Variants in EDDM3A observed in about 807,000 individuals in gnomAD.
EDDM3A encodes the protein epididymal protein 3A, also known as epididymal secretory protein E3-alpha.
For missense variants in EDDM3A, 199 were observed against 177.4 expected, an observed-to-expected ratio of 1.12 and a Z score of -0.69; for synonymous variants, 75 against 60.4, an observed-to-expected ratio of 1.24 and a Z score of -1.12.
At chr14:20,744,529 A>T (rs1438733434), upstream of EDDM3A, among the ~76,000 whole-genome samples, 2 of 152,164 alleles carry the variant, frequency 1.3e-5, no homozygotes, top group Non-Finnish European at 2.9e-5. Flanking sequence ...ATTTGTGGGG[A>T]GTTGGCATGG....
chr14:20,747,333 G>C (rs1446148580), intron 1 of EDDM3A, among the ~76,000 whole-genome samples: 1 of 152,094 alleles, frequency 6.6e-6, no homozygotes, highest in African/African-American at 2.4e-5. Context: ...CTGACCTCAG[G>C]TGATACACCC....
At position 20,748,083 on chromosome 14, in the gene EDDM3A, C is replaced by A; in HGVS notation, c.*59C>A. On this transcript the variant is annotated 3_prime_UTR_variant, in exon 2 of 2. Coordinates refer to ENST00000326842, the MANE Select transcript of EDDM3A (RefSeq NM_006683.5). ...TATTCAGTGCTTCCAAAGTGGTGGG[C>A]CCTGCCTCCATCAATAGCCCCTGCC... 7.4e-7 allele frequency: 1 copy of A among 1,356,878 alleles called. No homozygotes were observed. The highest frequency in any genetic ancestry group is 1.0e-6 in the Non-Finnish European group (1 of 994,708). The allele number at this position is 1,356,878 out of a possible 1,614,324, so 84.1% of individuals were successfully genotyped here.
rs1001231785 is a variant in EDDM3A, at chr14:20,747,912, A to G, written c.332A>G (p.Asn111Ser). The change falls in exon 2 of 2, where the codon AAC (asparagine) becomes AGC (serine). Residue 111 changes from asparagine (N) to serine (S), a missense_variant. By Grantham distance (46) the Asn-to-Ser change is conservative (BLOSUM62 1). Coordinates refer to ENST00000326842, the MANE Select transcript of EDDM3A (RefSeq NM_006683.5). ...CTCGAGTGTCACTGGGAGAAGTACA[A>G]CAATAGGTACACAGAGAGCAGAAGC... is the stretch of plus-strand genomic sequence containing the variant. ...KVLECHWEKY[N>S]NRYTESRSFS... 6.2e-7 allele frequency: 1 copy of G among 1,614,220 alleles called. No homozygotes were observed. Among genetic ancestry groups the G allele is most frequent in the Non-Finnish European group, 8.5e-7 (1 of 1,180,040 alleles).
intron 1 of EDDM3A, among the ~76,000 whole-genome samples, chr14:20,746,648 G>A (rs910191701): frequency 2.6e-5 from 4 of 152,184 alleles, no homozygotes; most frequent in African/African-American, 9.6e-5. Context: ...AGTAATTAGG[G>A]AAATGGCCTC....
upstream of EDDM3A, among the ~76,000 whole-genome samples, chr14:20,743,467 T>C (rs1449970952): frequency 1.3e-5 from 2 of 152,128 alleles, no homozygotes; most frequent in African/African-American, 4.8e-5. Flanking sequence ...AGAGAATCAC[T>C]TGAACCCAGG....
intron 1 of EDDM3A, among the ~76,000 whole-genome samples, chr14:20,746,210 C>A (rs1368629871): frequency 6.6e-6 from 1 of 152,184 alleles, no homozygotes; most frequent in Non-Finnish European, 1.5e-5. Flanking sequence ...AAGCTGCTTG[C>A]ATCCTACTCT....
upstream of EDDM3A, among the ~76,000 whole-genome samples, chr14:20,744,140 C>A (rs1031574971): frequency 1.3e-5 from 2 of 152,128 alleles, no homozygotes; most frequent in East Asian, 1.9e-4. Context: ...CCCTCAGAAT[C>A]GCCTCTCAAA....
At chr14:20,742,160 A>G (rs1416806079), upstream of EDDM3A, among the ~76,000 whole-genome samples, 1 of 152,154 alleles carries the variant, frequency 6.6e-6, no homozygotes, top group Non-Finnish European at 1.5e-5. Context: ...CTGGCTCAGA[A>G]TTTCTCTCTC....
upstream of EDDM3A, among the ~76,000 whole-genome samples, chr14:20,745,613 A>G (rs1303565726): frequency 6.6e-6 from 1 of 152,036 alleles, no homozygotes; most frequent in Non-Finnish European, 1.5e-5. Context: ...GTTTGTTAGA[A>G]TTGAGAGCAG....
chr14:20,748,011 C>T lies in EDDM3A; in HGVS notation c.431C>T (p.Pro144Leu). The T allele has an allele frequency of 6.3e-7, 1 of 1,596,852 alleles. No individual in the cohort carries two copies. The highest frequency in any genetic ancestry group is 8.5e-7 in the Non-Finnish European group (1 of 1,171,780). The change falls in exon 2 of 2, where the codon CCT becomes CTT. Residue 144 changes from proline (P) to leucine (L), a missense_variant. Coordinates refer to ENST00000326842, the MANE Select transcript of EDDM3A (RefSeq NM_006683.5). ...DNIEDLRIIE[P>L]ISN Reference sequence around the variant, plus strand: ...ATAGAAGACCTGAGGATTATAGAACCTATCAGCAACTAGAAAGTCTATGCA... The same window carrying T: ...ATAGAAGACCTGAGGATTATAGAACTTATCAGCAACTAGAAAGTCTATGCA...
Position 20,747,625 on chromosome 14 carries a change from T to G in EDDM3A, c.45T>G (p.Leu15=), listed in dbSNP as rs745615813. ...LKIWGILLAL[L]CILCRLCVYS... ...TTTGGGGCATACTCTTGGCCCTGCT[T>G]TGCATCCTTTGCAGGCTGTGTGTAT... is the stretch of plus-strand genomic sequence containing the variant. Residue 15 remains leucine, a synonymous_variant, in exon 2 of 2, where the codon CTT becomes CTG. Coordinates refer to ENST00000326842, the MANE Select transcript of EDDM3A (RefSeq NM_006683.5). The G allele has an allele frequency of 1.2e-6, 2 of 1,613,448 alleles. No individual in the cohort carries two copies. Among genetic ancestry groups the G allele is most frequent in the East Asian group, 4.5e-5 (2 of 44,878 alleles).
the EDDM3A span, among the ~76,000 whole-genome samples, chr14:20,740,024 C>A: frequency 6.6e-6 from 1 of 152,164 alleles, no homozygotes; most frequent in African/African-American, 2.4e-5. Context: ...CCTTTGGCAT[C>A]TCCCTGTCCC....
the EDDM3A span, among the ~76,000 whole-genome samples, chr14:20,738,551 A>C: frequency 2.1e-4 from 32 of 152,268 alleles, no homozygotes; most frequent in Admixed American, 1.4e-3. Context: ...ATGGGGAAAA[A>C]TACTAATTAT....
upstream of EDDM3A, among the ~76,000 whole-genome samples, chr14:20,742,646 G>A (rs1404987593): frequency 2.0e-5 from 3 of 152,118 alleles, no homozygotes; most frequent in Admixed American, 6.6e-5. Context: ...ACCCAGGCTG[G>A]TGCTATCATA....
At chr14:20,747,476 G>C in intron 1 of EDDM3A, 79 bp from the exon 2 acceptor site, 1 of 840,908 alleles carries the variant, frequency 1.2e-6, no homozygotes, top group Admixed American at 2.5e-5. Context: ...GTACCTGCTT[G>C]GCAGGGAAAG....
chr14:20,745,513 G>A (rs1207248748), upstream of EDDM3A, among the ~76,000 whole-genome samples: 6 of 140,998 alleles, frequency 4.3e-5, no homozygotes, highest in South Asian at 2.3e-4. Flanking sequence ...GCAACAGAGC[G>A]AGACTCCATC....
upstream of EDDM3A, chr14:20,745,766 T>A (rs1877565118): frequency 6.6e-6 from 1 of 152,216 alleles, no homozygotes; most frequent in African/African-American, 2.4e-5. Context: ...TGAGCCCAAG[T>A]GTTCCAGATG....
At chr14:20,746,109 C>G (rs191971680) in intron 1 of EDDM3A, 117 bp downstream of exon 1, 5 of 152,370 alleles carry the variant, frequency 3.3e-5, no homozygotes, top group South Asian at 2.1e-4. Flanking sequence ...AAACAAAGGT[C>G]TGAATTCTGG....
upstream of EDDM3A, among the ~76,000 whole-genome samples, chr14:20,743,971 A>G (rs912199397): frequency 2.0e-5 from 3 of 152,124 alleles, no homozygotes; most frequent in Non-Finnish European, 4.4e-5. Context: ...TGGAATATCA[A>G]GTATTTGAGA....
Sources: allele counts gnomAD v4.1 joint callset (sites outside exome capture counted in the v4.1 genomes callset), GRCh38; gene constraint gnomAD v4.1.1; transcripts MANE v1.5; gene names NCBI Gene and HGNC (gene_info 2026-07-23, HGNC 2026-07-21).